GOLIM4: variants seen among roughly 807,000 people sequenced by gnomAD.
GOLIM4 encodes the protein 130 kDa golgi-localized phosphoprotein.
GOLIM4 carries 71 observed loss-of-function variants against 107.4 expected under a neutral mutation model. That is an observed-to-expected ratio of 0.66 (90% CI 0.55 to 0.81). GOLIM4 has a LOEUF of 0.81. GOLIM4 is among the 30% of genes least tolerant of loss of function. The probability of loss-of-function intolerance (pLI) is 0.00; values close to 1 mark genes in which losing one functional copy is unlikely to be tolerated. For synonymous variants in GOLIM4, 327 were observed against 294.8 expected (o/e 1.11, Z -1.12); for missense variants, 830 against 826.1 (o/e 1.00, Z -0.06).
At chr3:168,027,506 T>A (rs1431246938) in intron 12 of GOLIM4, among the ~76,000 whole-genome samples, 1 of 151,842 alleles carries the variant, frequency 6.6e-6, no homozygotes, top group African/African-American at 2.4e-5. Flanking sequence ...TTTGTTTTTT[T>A]TTTTCCCCCA....
chr3:168,034,722 G>A (rs1005535322), intron 8 of GOLIM4, among the ~76,000 whole-genome samples: 5 of 152,098 alleles, frequency 3.3e-5, no homozygotes, highest in African/African-American at 9.7e-5. Context: ...GGAAGAACCC[G>A]GTTAGAGGTA....
At position 168,046,955 on chromosome 3, in the gene GOLIM4, C is replaced by A; in HGVS notation, c.307G>T (p.Gly103Ter). The A allele has an allele frequency of 7.4e-7, 1 of 1,348,728 alleles. No individual in the cohort carries two copies. The highest frequency in any genetic ancestry group is 1.3e-5 in the South Asian group (1 of 74,394). 83.5% of individuals were successfully genotyped at this position (1,348,728 alleles called of 1,614,324 possible). Residue 103 changes from glycine to a stop codon, truncating the protein, a stop_gained, in exon 3 of 16, where the codon GGA (glycine) becomes TGA (stop). Transcript: ENST00000470487. LOFTEE classifies it high-confidence loss of function. ...ACAAAAAAAACAAAACTTACCCTTC[C>A]TTTATTTAATGTTTCTTGTGCTTCT... is the stretch of plus-strand genomic sequence containing the variant. ...KLEAQETLNKGRQDSNSRYSA... is the reference protein window; with the variant it reads ...KLEAQETLNK
At chr3:168,059,269 T>C (rs1720135392) in intron 1 of GOLIM4, among the ~76,000 whole-genome samples, 1 of 152,202 alleles carries the variant, frequency 6.6e-6, no homozygotes, top group Non-Finnish European at 1.5e-5. Context: ...AAAAGTTTTA[T>C]GTCATATTGC....
chr3:168,011,889 T>C (rs1717059332), intron 14 of GOLIM4, among the ~76,000 whole-genome samples: 1 of 139,776 alleles, frequency 7.2e-6, no homozygotes, highest in Non-Finnish European at 1.5e-5. Flanking sequence ...CAAAAACCCA[T>C]CTGTACATCA....
At chr3:168,052,086 C>G (rs1719679844) in intron 1 of GOLIM4, among the ~76,000 whole-genome samples, 1 of 152,154 alleles carries the variant, frequency 6.6e-6, no homozygotes, top group African/African-American at 2.4e-5. Context: ...ATGAGGTGAG[C>G]TGCTGAACTT....
intron 2 of GOLIM4, among the ~76,000 whole-genome samples, chr3:168,047,692 C>A (rs1345910245): frequency 6.6e-6 from 1 of 152,150 alleles, no homozygotes; most frequent in Non-Finnish European, 1.5e-5. Context: ...AACTTCAAAT[C>A]ATCAGCTGTA....
chr3:168,032,923 C>T, intron 8 of GOLIM4, 71 bp from the exon 9 acceptor site: 4 of 1,189,686 alleles, frequency 3.4e-6, no homozygotes, highest in Non-Finnish European at 3.6e-6. Flanking sequence ...TCTTGATTTC[C>T]ATGTCTATGG....
chr3:168,031,182 A>C (rs1251885546), intron 9 of GOLIM4, among the ~76,000 whole-genome samples: 6 of 152,162 alleles, frequency 3.9e-5, no homozygotes, highest in Non-Finnish European at 5.9e-5. Flanking sequence ...TGGTTACTAG[A>C]AGCTGGGAAG....
At chr3:168,034,876 C>G (rs1301082281) in intron 8 of GOLIM4, among the ~76,000 whole-genome samples, 1 of 152,202 alleles carries the variant, frequency 6.6e-6, no homozygotes, top group Non-Finnish European at 1.5e-5. Context: ...ATGGGACTTG[C>G]TCCTCCTGGC....
chr3:168,013,173 CA>C (rs1247735195), intron 14 of GOLIM4, among the ~76,000 whole-genome samples: 1 of 150,826 alleles, frequency 6.6e-6, no homozygotes, highest in Non-Finnish European at 1.5e-5. Flanking sequence ...CACATAGGCT[CA>C]AAATAAAAGG....
intron 1 of GOLIM4, among the ~76,000 whole-genome samples, chr3:168,063,351 C>T (rs1720366088): frequency 6.6e-6 from 1 of 152,150 alleles, no homozygotes; most frequent in South Asian, 2.1e-4. Context: ...ACTTCAAGCT[C>T]TCCTTTGGGA....
intron 8 of GOLIM4, among the ~76,000 whole-genome samples, chr3:168,033,890 A>G (rs1718490965): frequency 1.3e-5 from 2 of 152,280 alleles, no homozygotes; most frequent in South Asian, 2.1e-4. Context: ...CGATCTCTAT[A>G]TGATCTGCAC....
chr3:168,060,815 G>A (rs938370423), intron 1 of GOLIM4, among the ~76,000 whole-genome samples: 2 of 152,128 alleles, frequency 1.3e-5, no homozygotes, highest in Non-Finnish European at 2.9e-5. Context: ...AGCTTTTCTA[G>A]GGGAGTTTTG....
At chr3:168,021,700 G>C (rs983255609) in intron 14 of GOLIM4, among the ~76,000 whole-genome samples, 1 of 151,822 alleles carries the variant, frequency 6.6e-6, no homozygotes, top group Admixed American at 6.6e-5. Context: ...AAAAAGAAAA[G>C]CTTCTTGACA....
chr3:168,018,359 C>A (rs570892539), intron 14 of GOLIM4, among the ~76,000 whole-genome samples: 33 of 152,254 alleles, frequency 2.2e-4, no homozygotes, highest in African/African-American at 7.7e-4. Context: ...GAGCTTTGGA[C>A]AAAACTTGGC....
At chr3:168,050,530 T>C (rs1185008808) in intron 1 of GOLIM4, among the ~76,000 whole-genome samples, 1 of 151,846 alleles carries the variant, frequency 6.6e-6, no homozygotes, top group Non-Finnish European at 1.5e-5. Flanking sequence ...ACTATCATGA[T>C]AAAACAGAGG....
At chr3:168,093,158 A>G (rs373842267) in intron 1 of GOLIM4, among the ~76,000 whole-genome samples, 29 of 152,370 alleles carry the variant, frequency 1.9e-4, no homozygotes, top group African/African-American at 7.0e-4. Flanking sequence ...CTGCAAATAA[A>G]GGCCATTATT....
At chr3:168,046,404 A>C (rs1719306594) in intron 3 of GOLIM4, among the ~76,000 whole-genome samples, 1 of 152,148 alleles carries the variant, frequency 6.6e-6, no homozygotes, top group African/African-American at 2.4e-5. Flanking sequence ...GCAGATAAAC[A>C]AGTGAACAAA....
At chr3:168,088,088 C>T (rs941468753) in intron 1 of GOLIM4, among the ~76,000 whole-genome samples, 2 of 151,924 alleles carry the variant, frequency 1.3e-5, no homozygotes, top group Admixed American at 6.6e-5. Flanking sequence ...AGTAGCAAAA[C>T]CACTTTGTCC....
Sources: gnomAD v4.1 joint callset for allele counts (sites outside exome capture counted in the v4.1 genomes callset) on GRCh38, gnomAD v4.1.1 for gene constraint, MANE v1.5 for transcripts, NCBI Gene and HGNC (gene_info 2026-07-23, HGNC 2026-07-21) for gene names.